The following PRR33 variants were observed in gnomAD, a reference collection of about 807,000 sequenced individuals.
The protein encoded by PRR33 is proline-rich protein 33.
Under a neutral mutation model 0.5 loss-of-function variants are expected in PRR33, and 1 was observed. That is an observed-to-expected ratio of 2.18 (90% CI 0.77 to 10.34). The LOEUF is 10.34. PRR33 is among the 30% of genes most tolerant of loss of function. The probability of loss-of-function intolerance (pLI) is 0.13; values close to 1 mark genes in which losing one functional copy is unlikely to be tolerated. For synonymous variants in PRR33, 226 were observed against 110.0 expected, an observed-to-expected ratio of 2.06 and a Z score of -6.60; for missense variants, 552 against 251.8, an observed-to-expected ratio of 2.19 and a Z score of -8.07.
At chr11:1,898,883 C>A in the PRR33 span, among the ~76,000 whole-genome samples, 1 of 152,150 alleles carries the variant, frequency 6.6e-6, no homozygotes, top group Non-Finnish European at 1.5e-5. Context: ...TGCCTGTAAT[C>A]CCAGCTACTT....
chr11:1,917,430 AC>A, the PRR33 span, among the ~76,000 whole-genome samples: 5 of 151,612 alleles, frequency 3.3e-5, no homozygotes, highest in East Asian at 3.9e-4. Context: ...CAATTTCAGA[AC>A]CCCCCCATCC....
the PRR33 span, among the ~76,000 whole-genome samples, chr11:1,900,087 A>G: frequency 9.9e-5 from 15 of 151,952 alleles, no homozygotes; most frequent in East Asian, 2.7e-3. Flanking sequence ...TGTCTCTTCC[A>G]TGATGAATCA....
the PRR33 span, among the ~76,000 whole-genome samples, chr11:1,911,757 A>G: frequency 2.0e-4 from 30 of 152,070 alleles, no homozygotes; most frequent in African/African-American, 7.2e-4. Context: ...ATGTCTATCT[A>G]TGAGTGGTGT....
the PRR33 span, among the ~76,000 whole-genome samples, chr11:1,914,437 CTG>C: frequency 8.2e-5 from 11 of 133,974 alleles, no homozygotes; most frequent in South Asian, 1.7e-3. Flanking sequence ...GTGTGTGTGT[CTG>C]TGTGTGTGTT....
At chr11:1,907,733 A>T in the PRR33 span, 3 of 146,230 alleles carry the variant, frequency 2.1e-5, no homozygotes, top group African/African-American at 5.0e-5. Context: ...ATTTTTAACC[A>T]TTTTTTTTTT....
At chr11:1,893,357 G>T (rs1163105194), upstream of PRR33, among the ~76,000 whole-genome samples, 2 of 151,380 alleles carry the variant, frequency 1.3e-5, no homozygotes, top group Admixed American at 1.3e-4. Flanking sequence ...AAGCAGGTGG[G>T]TGGATGGATG....
chr11:1,907,230 A>G, the PRR33 span, among the ~76,000 whole-genome samples: 1 of 152,170 alleles, frequency 6.6e-6, no homozygotes, highest in Non-Finnish European at 1.5e-5. Context: ...ACCCCATCTC[A>G]GCCAGGAGTG....
the PRR33 span, among the ~76,000 whole-genome samples, chr11:1,905,011 T>C: frequency 6.6e-6 from 1 of 152,128 alleles, no homozygotes; most frequent in Non-Finnish European, 1.5e-5. Flanking sequence ...TTCTGTTTTA[T>C]CAGCTTCTAC....
At chr11:1,898,048 T>A in the PRR33 span, among the ~76,000 whole-genome samples, 1 of 152,204 alleles carries the variant, frequency 6.6e-6, no homozygotes, top group African/African-American at 2.4e-5. Context: ...CGAACCTTTC[T>A]AATACCTGAT....
At chr11:1,909,545 A>T in the PRR33 span, among the ~76,000 whole-genome samples, 1 of 152,204 alleles carries the variant, frequency 6.6e-6, no homozygotes, top group Non-Finnish European at 1.5e-5. Context: ...CAGGAGTCGG[A>T]GGTTGCAGTG....
chr11:1,890,607 G>A lies in PRR33; in HGVS notation c.-23C>T, dbSNP rs1259450045. 4 of 697,994 alleles carry A rather than the reference G, an allele frequency of 5.7e-6. No individual in the cohort carries two copies. In the East Asian group the frequency reaches 1.1e-4, roughly 19 times the overall value. The allele number at this position is 697,994 out of a possible 1,614,324, so 43.2% of individuals were successfully genotyped here. ...CATGACTGTGTCCTAGGGTGGGAGGGACAGTGGTCAGGCCAGCCCTCCTCC... is the reference window on the plus strand; with the variant it reads ...CATGACTGTGTCCTAGGGTGGGAGGAACAGTGGTCAGGCCAGCCCTCCTCC... On this transcript the variant is annotated 5_prime_UTR_variant, in exon 1 of 1. Transcript: ENST00000640310.
At chr11:1,899,961 T>C in the PRR33 span, among the ~76,000 whole-genome samples, 1 of 152,120 alleles carries the variant, frequency 6.6e-6, no homozygotes, top group Non-Finnish European at 1.5e-5. Flanking sequence ...CCCAGGATTA[T>C]GGGTTTGGCA....
chr11:1,900,187 C>A, the PRR33 span, among the ~76,000 whole-genome samples: 1 of 152,074 alleles, frequency 6.6e-6, no homozygotes, highest in Non-Finnish European at 1.5e-5. Flanking sequence ...ATGCTTGATG[C>A]TGGACTTATA....
chr11:1,908,989 C>T, the PRR33 span, among the ~76,000 whole-genome samples: 2 of 152,202 alleles, frequency 1.3e-5, no homozygotes, highest in South Asian at 2.1e-4. Context: ...TAGCAAATGC[C>T]CTTCCCCCTA....
chr11:1,909,085 G>C, the PRR33 span, among the ~76,000 whole-genome samples: 1 of 152,218 alleles, frequency 6.6e-6, no homozygotes, highest in African/African-American at 2.4e-5. Flanking sequence ...CCCCCACTTA[G>C]CTTAAGAAAG....
chr11:1,893,649 T>C (rs1350110658), upstream of PRR33, among the ~76,000 whole-genome samples: 2 of 148,366 alleles, frequency 1.3e-5, no homozygotes, highest in Admixed American at 1.3e-4. Context: ...GAAGGAGCGA[T>C]AAATGAAGGG....
At chr11:1,889,215 C>T (rs561404940) in exon 1 of PRR33, 80 of 674,998 alleles carry the variant, frequency 1.2e-4, no homozygotes, top group African/African-American at 1.1e-3. Flanking sequence ...CAGGATGGAG[C>T]GGACTGTGGG....
At chr11:1,901,295 A>G in the PRR33 span, among the ~76,000 whole-genome samples, 1 of 152,030 alleles carries the variant, frequency 6.6e-6, no homozygotes, top group South Asian at 2.1e-4. Context: ...CTGGGCGACA[A>G]GAGCAAAACA....
chr11:1,901,323 A>C, the PRR33 span, among the ~76,000 whole-genome samples: 3 of 152,136 alleles, frequency 2.0e-5, no homozygotes, highest in African/African-American at 4.8e-5. Flanking sequence ...TAAAAAAAAA[A>C]AAAGGCAAGA....
Sources: allele counts gnomAD v4.1 joint callset (sites outside exome capture counted in the v4.1 genomes callset), GRCh38; gene constraint gnomAD v4.1.1; transcripts MANE v1.5; gene names NCBI Gene and HGNC (gene_info 2026-07-23, HGNC 2026-07-21).